CACNA2D3: variants seen among roughly 807,000 people sequenced by gnomAD.
CACNA2D3 encodes the protein calcium voltage-gated channel auxiliary subunit alpha2delta 3, also known as voltage-dependent calcium channel subunit alpha-2/delta-3.
CACNA2D3 carries 60 observed loss-of-function variants against 160.6 expected under a neutral mutation model. The observed-to-expected ratio is 0.37, with a 90% CI of 0.30 to 0.46. The LOEUF is 0.46. CACNA2D3 is among the 20% of genes least tolerant of loss of function. The pLI, the probability that CACNA2D3 is intolerant of heterozygous loss-of-function variation, is 1.00. For synonymous variants in CACNA2D3, 558 were observed against 492.9 expected, an observed-to-expected ratio of 1.13 and a Z score of -1.75; for missense variants, 1,205 against 1,365.0, an observed-to-expected ratio of 0.88 and a Z score of 1.85.
intron 35 of CACNA2D3, among the ~76,000 whole-genome samples, chr3:55,052,829 C>T (rs895607963): frequency 3.3e-5 from 5 of 152,028 alleles, no homozygotes; most frequent in East Asian, 1.9e-4. Context: ...CTAACATTTT[C>T]GTGGAATCTT....
intron 2 of CACNA2D3, among the ~76,000 whole-genome samples, chr3:54,280,552 A>G (rs67241122): frequency 0.15 from 23,176 of 151,942 alleles, 2,127 homozygotes; most frequent in South Asian, 0.21. Flanking sequence ...AAAGAGGGAG[A>G]GTAAAGGAGT....
chr3:54,479,319 A>G (rs555570930), intron 4 of CACNA2D3, among the ~76,000 whole-genome samples: 2 of 152,274 alleles, frequency 1.3e-5, no homozygotes, highest in East Asian at 1.9e-4. Context: ...AGTCTCAGGT[A>G]TGTCTTTATT....
chr3:55,053,035 C>T (rs1575453986), intron 35 of CACNA2D3, among the ~76,000 whole-genome samples: 1 of 151,984 alleles, frequency 6.6e-6, no homozygotes, highest in Non-Finnish European at 1.5e-5. Context: ...TTAAAATGCA[C>T]ATTTAGAAAA....
chr3:54,724,498 A>G lies in CACNA2D3; in HGVS notation c.1168-28101A>G, dbSNP rs1173482724. The stretch of plus-strand genomic sequence containing the variant: ...CAGCGCCTCACTGCACTTATTCTAA[A>G]CTGGACCACATAATTGGAAGTAAAA... On this transcript the variant is annotated intron_variant, in intron 11 of 37. Coordinates refer to ENST00000474759, the MANE Select transcript of CACNA2D3 (RefSeq NM_018398.3). Among the ~76,000 whole-genome samples, 3 of 152,196 alleles carry G rather than the reference A, an allele frequency of 2.0e-5. No individual in the cohort carries two copies. In the East Asian group the frequency reaches 5.8e-4, roughly 29 times the overall value.
rs1348084716 is a variant in CACNA2D3, at chr3:54,891,360, C to G, written c.2156C>G (p.Ser719Cys). The G allele has an allele frequency of 6.2e-7, 1 of 1,613,416 alleles. No individual in the cohort carries two copies. Among genetic ancestry groups the G allele is most frequent in the East Asian group, 2.2e-5 (1 of 44,872 alleles). The change falls in exon 25 of 38, where the codon TCT (serine) becomes TGT (cysteine). Residue 719 changes from serine (S) to cysteine (C), a missense_variant. By Grantham distance (112) the Ser-to-Cys change is moderately radical. Transcript: ENST00000474759. The stretch of plus-strand genomic sequence containing the variant: ...CGTCTGTTGTTCTGTTTCAGAAATT[C>G]TGACAAGGGCGTGGAGGTTGCCTTC... Reference protein sequence around the residue: ...TSLALNKSENSDKGVEVAFLG... With the variant: ...TSLALNKSENCDKGVEVAFLG...
intron 3 of CACNA2D3, among the ~76,000 whole-genome samples, chr3:54,344,157 A>G: frequency 6.6e-6 from 1 of 152,166 alleles, no homozygotes; most frequent in Admixed American, 6.5e-5. Context: ...AAGCATCATT[A>G]TTAAAGGGCA....
chr3:54,880,714 T>C, intron 20 of CACNA2D3, 82 bp from the exon 21 acceptor site: 1 of 1,205,862 alleles, frequency 8.3e-7, no homozygotes, highest in Admixed American at 1.8e-5. Flanking sequence ...ATGTGAAAAA[T>C]GGAAAATTAA....
intron 5 of CACNA2D3, among the ~76,000 whole-genome samples, chr3:54,512,458 G>A (rs1701474656): frequency 1.3e-5 from 2 of 152,172 alleles, no homozygotes; most frequent in Admixed American, 6.5e-5. Flanking sequence ...GTGACACCGG[G>A]TCCCCCACAG....
At chr3:54,407,326 G>A (rs1033289864) in intron 4 of CACNA2D3, among the ~76,000 whole-genome samples, 2 of 152,132 alleles carry the variant, frequency 1.3e-5, no homozygotes, top group Non-Finnish European at 2.9e-5. Flanking sequence ...AATGAAAAGA[G>A]ATGGAACTTT....
chr3:54,372,338 G>T (rs1698939051), intron 3 of CACNA2D3, among the ~76,000 whole-genome samples: 1 of 152,214 alleles, frequency 6.6e-6, no homozygotes, highest in Admixed American at 6.5e-5. Context: ...GTGGGTGGCA[G>T]AGAGGGGAGC....
intron 4 of CACNA2D3, among the ~76,000 whole-genome samples, chr3:54,443,029 G>A (rs1700168404): frequency 6.6e-6 from 1 of 152,186 alleles, no homozygotes; most frequent in South Asian, 2.1e-4. Flanking sequence ...TACCTACCTA[G>A]AAGAGGGGGC....
At chr3:54,391,516 C>CTTTCTTTT (rs1553644561) in intron 4 of CACNA2D3, among the ~76,000 whole-genome samples, 3 of 142,034 alleles carry the variant, frequency 2.1e-5, no homozygotes, top group Admixed American at 1.4e-4. Flanking sequence ...TTCTTTCTTT[C>CTTTCTTTT]TTTTTTTTTT....
At position 55,008,019 on chromosome 3, in the gene CACNA2D3, A is replaced by G. The variant is rs887537622; in HGVS notation, c.2819+177A>G. Among the ~76,000 whole-genome samples, 4 of 152,254 alleles carry G rather than the reference A, an allele frequency of 2.6e-5. No individual in the cohort carries two copies. The South Asian group carries it at 6.2e-4, about 24-fold the overall frequency. On this transcript the variant is annotated intron_variant, in intron 33 of 37. Transcript: ENST00000474759. ...CACAGAGACCAAAAAATGATCTTCT[A>G]TTAAGTGACTGTTGATCACTCCTTA...
At chr3:54,173,572 T>C (rs763196188) in intron 2 of CACNA2D3, among the ~76,000 whole-genome samples, 2 of 152,252 alleles carry the variant, frequency 1.3e-5, no homozygotes, top group East Asian at 1.9e-4. Flanking sequence ...CAAGTTGTTA[T>C]GGAAACGGAA....
intron 11 of CACNA2D3, among the ~76,000 whole-genome samples, chr3:54,736,144 C>CATACATATATATATGTATATATATAT (rs1701526478): frequency 8.9e-6 from 1 of 112,404 alleles, no homozygotes; most frequent in Non-Finnish European, 1.8e-5. Context: ...TATATATACA[C>CATACATATATATATGTATATATATAT]ACACACACAC....
chr3:54,625,306 C>G (rs1219424583), intron 9 of CACNA2D3, among the ~76,000 whole-genome samples: 1 of 152,168 alleles, frequency 6.6e-6, no homozygotes, highest in Non-Finnish European at 1.5e-5. Flanking sequence ...TATTATTTTG[C>G]TAATTTAGAG....
intron 11 of CACNA2D3, among the ~76,000 whole-genome samples, chr3:54,696,462 C>G (rs1362305334): frequency 1.3e-5 from 2 of 152,158 alleles, no homozygotes; most frequent in African/African-American, 4.8e-5. Flanking sequence ...TTGTAATTCA[C>G]TTTGTTTGCT....
rs1214395409 is a variant in CACNA2D3 at position 54,321,922 on chromosome 3, C to CAAA, written c.321+1382_321+1384dup. 3.2e-3 allele frequency among the ~76,000 whole-genome samples: 318 copies of CAAA among 100,588 alleles called. 4 individuals are homozygous for CAAA. Among genetic ancestry groups the CAAA allele is most frequent in the African/African-American group, 9.7e-3 (246 of 25,388 alleles). The allele number at this position is 100,588 out of a possible 152,430, so 66.0% of individuals were successfully genotyped here. The stretch of plus-strand genomic sequence containing the variant: ...AAGTGCTTATTTTCTGAAATCCTTG[C>CAAA]AAAAAAAAAAAAAAAAAAAACTAGT... On this transcript the variant is annotated intron_variant, in intron 3 of 37. Transcript: ENST00000474759.
intron 27 of CACNA2D3, among the ~76,000 whole-genome samples, chr3:54,957,172 T>TGC (rs1701919202): frequency 2.6e-5 from 4 of 152,132 alleles, no homozygotes; most frequent in African/African-American, 7.2e-5. Flanking sequence ...TTTTCTTTTT[T>TGC]TTTTTTTTAG....
Sources: allele counts gnomAD v4.1 joint callset (sites outside exome capture counted in the v4.1 genomes callset), GRCh38; gene constraint gnomAD v4.1.1; transcripts MANE v1.5; gene names NCBI Gene and HGNC (gene_info 2026-07-23, HGNC 2026-07-21).